The following ATOH8 variants were observed in gnomAD, a reference collection of about 807,000 sequenced individuals.
The protein encoded by ATOH8 is atonal bHLH transcription factor 8, also known as transcription factor ATOH8.
Under a neutral mutation model 21.2 loss-of-function variants are expected in ATOH8, and 9 were observed. The observed-to-expected ratio is 0.42, with a 90% confidence interval of 0.26 to 0.74. The LOEUF (loss-of-function observed/expected upper bound fraction) is 0.74, where lower values mean the gene tolerates loss of function less well. Ranked by LOEUF, ATOH8 falls within the 30% of genes least tolerant of loss-of-function variation. The pLI is 0.24. For missense variants in ATOH8, 524 were observed against 470.9 expected (o/e 1.11, Z -1.04); for synonymous variants, 253 against 224.0 (o/e 1.13, Z -1.16).
Position 85,786,539 on chromosome 2 carries a change from G to T in ATOH8, c.961-346G>T, listed in dbSNP as rs531685575. On this transcript the variant is annotated intron_variant, in intron 2 of 2. Coordinates refer to ENST00000306279, the MANE Select transcript of ATOH8 (RefSeq NM_032827.7). ...GCCTGCCACCCCAGGGTGGGGACGG[G>T]CCTCTGAGATCCCTCAGAGGGGTGG... 2.0e-5 allele frequency among the ~76,000 whole-genome samples: 3 copies of T among 152,294 alleles called. No individual in the cohort carries two copies. The South Asian group carries it at 6.2e-4, about 32-fold the overall frequency.
Position 85,790,708 on chromosome 2 carries a change from T to C in ATOH8, c.*3818T>C, listed in dbSNP as rs1680746125. ...AGCATTGCCATGTGCAGGGACTGTG[T>C]TGGGAGCTGCAGGTACAGAGCTCCT... is the stretch of plus-strand genomic sequence containing the variant. On this transcript the variant is annotated 3_prime_UTR_variant, in exon 3 of 3. Coordinates refer to ENST00000306279, the MANE Select transcript of ATOH8 (RefSeq NM_032827.7). Among the ~76,000 whole-genome samples, 1 of 152,186 alleles carries C rather than the reference T, an allele frequency of 6.6e-6. No homozygotes were observed. Among genetic ancestry groups the C allele is most frequent in the Non-Finnish European group, 1.5e-5 (1 of 68,038 alleles).
chr2:85,757,199 T>C (rs922561045), intron 1 of ATOH8, among the ~76,000 whole-genome samples: 4 of 152,256 alleles, frequency 2.6e-5, no homozygotes, highest in African/African-American at 9.6e-5. Context: ...ACCTGCCTGT[T>C]AGCTGGGAAG....
rs1339824959 is a variant in ATOH8 at position 85,787,262 on chromosome 2, CTT to C, written c.*375_*376del. ...GAAAAGCCACACCGTTGCTCTGTGA[CTT>C]TTGCTCCTCCTGTTGCCTGAGCCCC... On this transcript the variant is annotated 3_prime_UTR_variant, in exon 3 of 3. Transcript: ENST00000306279. 1 of 268,672 alleles carries C rather than the reference CTT, an allele frequency of 3.7e-6. No individual in the cohort carries two copies. The highest frequency in any genetic ancestry group is 5.3e-5 in the Admixed American group (1 of 18,828). 16.6% of individuals were successfully genotyped at this position (268,672 alleles called of 1,614,324 possible). A position where few individuals can be genotyped will look rare whatever the true frequency, so the allele number is the denominator to read the frequency against.
chr2:85,782,201 G>T (rs1161838881), intron 2 of ATOH8, among the ~76,000 whole-genome samples: 1 of 152,040 alleles, frequency 6.6e-6, no homozygotes, highest in Non-Finnish European at 1.5e-5. Context: ...TAAAAAAAAA[G>T]TCAGGATTTC....
intron 2 of ATOH8, among the ~76,000 whole-genome samples, chr2:85,776,869 C>T (rs1680340696): frequency 6.6e-6 from 1 of 152,124 alleles, no homozygotes; most frequent in Non-Finnish European, 1.5e-5. Flanking sequence ...TTGCTGAGAG[C>T]TGTCCATCCC....
chr2:85,783,405 A>G (rs1458309043), intron 2 of ATOH8, among the ~76,000 whole-genome samples: 1 of 152,122 alleles, frequency 6.6e-6, no homozygotes, highest in East Asian at 1.9e-4. Flanking sequence ...CGTCTCTACT[A>G]AAAATACAAA....
chr2:85,756,833 C>A (rs1049897044), intron 1 of ATOH8, among the ~76,000 whole-genome samples: 2 of 152,146 alleles, frequency 1.3e-5, no homozygotes, highest in African/African-American at 4.8e-5. Context: ...ATGTGCCACC[C>A]CCCCAGCCCC....
Position 85,754,236 on chromosome 2 carries a change from G to T in ATOH8, c.47G>T (p.Cys16Phe), listed in dbSNP as rs757927899. 3 of 1,608,354 alleles carry T rather than the reference G, an allele frequency of 1.9e-6. No homozygotes were observed. The Admixed American group carries it at 5.0e-5, about 27-fold the overall frequency. Residue 16 changes from cysteine to phenylalanine, a missense_variant, in exon 1 of 3, where the codon TGC becomes TTC. Transcript: ENST00000306279. ...VLEDGPWKTV[C>F]VKELNGLKKL... ...GAGGACGGGCCGTGGAAGACCGTGT[G>T]CGTGAAGGAGCTGAACGGCCTTAAG...
At chr2:85,772,235 C>T (rs1347950146) in intron 2 of ATOH8, among the ~76,000 whole-genome samples, 1 of 152,210 alleles carries the variant, frequency 6.6e-6, no homozygotes, top group Non-Finnish European at 1.5e-5. Context: ...AGCTTTGTGC[C>T]GCCGGCGAGG....
rs536560659 is a variant in ATOH8 at position 85,766,063 on chromosome 2, G to A, written c.960+1881G>A. ...CTGCACCCATTGCTTAGCCTCCTCC[G>A]CCTCAGTTTTCTTGTTGATAAGTGG... On this transcript the variant is annotated intron_variant, in intron 2 of 2. Transcript: ENST00000306279. The surrounding 1 kb of genome is among the most constrained non-coding windows in gnomAD (Gnocchi z 4.0). Among the ~76,000 whole-genome samples the A allele has an allele frequency of 3.9e-5, 6 of 152,116 alleles. No individual in the cohort carries two copies. The highest frequency in any genetic ancestry group is 6.5e-5 in the Admixed American group (1 of 15,290).
At chr2:85,759,031 C>T (rs1018542019) in intron 1 of ATOH8, among the ~76,000 whole-genome samples, 7 of 152,186 alleles carry the variant, frequency 4.6e-5, no homozygotes, top group Admixed American at 6.5e-5. Flanking sequence ...GAAGACAGTG[C>T]GGGGCCCCGG....
chr2:85,764,149 C>A lies in ATOH8; in HGVS notation c.927C>A (p.Thr309=), dbSNP rs369738451. Residue 309 remains threonine, a synonymous_variant, in exon 2 of 3, where the codon ACC becomes ACA. Transcript: ENST00000306279. ...FSECVQRCTR[T]LQAEGRAKKR... is the part of the protein sequence containing the mutation. ...AGTGTGTGCAGCGCTGCACCCGCAC[C>A]CTGCAGGCCGAGGGACGTGCCAAGA... 6.2e-7 allele frequency: 1 copy of A among 1,614,060 alleles called. No individual in the cohort carries two copies. Among genetic ancestry groups the A allele is most frequent in the Admixed American group, 1.7e-5 (1 of 60,006 alleles).
chr2:85,784,847 A>T (rs1680583446), intron 2 of ATOH8, among the ~76,000 whole-genome samples: 1 of 152,230 alleles, frequency 6.6e-6, no homozygotes, highest in South Asian at 2.1e-4. Flanking sequence ...CTGGCACCTG[A>T]GGCCTCCTAG....
intron 2 of ATOH8, chr2:85,781,175 G>A (rs762473365): frequency 4.5e-6 from 3 of 666,278 alleles, no homozygotes; most frequent in Non-Finnish European, 5.6e-6. Flanking sequence ...ATGTGAGTAC[G>A]CATATGCATG....
intron 2 of ATOH8, chr2:85,772,611 C>T (rs1221399455): frequency 2.4e-6 from 1 of 424,852 alleles, no homozygotes. Context: ...CCAAAAAACC[C>T]TTTCAGAGCC....
In ATOH8 at chr2:85,760,926, G is replaced by C. The variant is rs147095457; in HGVS notation, c.769-3065G>C. On this transcript the variant is annotated intron_variant, in intron 1 of 2. Coordinates refer to ENST00000306279, the MANE Select transcript of ATOH8 (RefSeq NM_032827.7). ...TTGTAAGTGCCTGGAATTCAGACGAGCTCTTTCCACCATACTTTGACGTCC... is the reference window on the plus strand; with the variant it reads ...TTGTAAGTGCCTGGAATTCAGACGACCTCTTTCCACCATACTTTGACGTCC... The C allele has an allele frequency of 1.3e-3, 199 of 152,378 alleles. 1 individual carries two copies. The highest frequency in any genetic ancestry group is 4.7e-3 in the African/African-American group (194 of 41,582). 9.4% of individuals were successfully genotyped at this position (152,378 alleles called of 1,614,324 possible). A position where few individuals can be genotyped will look rare whatever the true frequency, so the allele number is the denominator to read the frequency against.
chr2:85,765,167 A>G (rs1679977071), intron 2 of ATOH8, among the ~76,000 whole-genome samples: 1 of 152,172 alleles, frequency 6.6e-6, no homozygotes, highest in East Asian at 1.9e-4. Context: ...GATCCAGTCT[A>G]CATCTGTGAG....
At chr2:85,770,422 A>G (rs1680148988) in intron 2 of ATOH8, among the ~76,000 whole-genome samples, 1 of 148,516 alleles carries the variant, frequency 6.7e-6, no homozygotes, top group African/African-American at 2.5e-5. Flanking sequence ...AAGCCCAAGG[A>G]GGCCATCTAT....
At chr2:85,765,509 GGCTCTGGGCA>G (rs1196546772) in intron 2 of ATOH8, among the ~76,000 whole-genome samples, 1 of 152,216 alleles carries the variant, frequency 6.6e-6, no homozygotes, top group Non-Finnish European at 1.5e-5. Context: ...CGCCACTGGC[GGCTCTGGGCA>G]GCTTTCCTCT....
Sources: allele counts gnomAD v4.1 joint callset (sites outside exome capture counted in the v4.1 genomes callset), GRCh38; gene constraint gnomAD v4.1.1; non-coding constraint Gnocchi (gnomAD v3.1); transcripts MANE v1.5; gene names NCBI Gene and HGNC (gene_info 2026-07-23, HGNC 2026-07-21).